Variants in TP63 observed in about 807,000 individuals in gnomAD.
TP63 encodes the protein tumor protein p63, also known as tumor protein 63.
Under a neutral mutation model 82.8 loss-of-function variants are expected in TP63, and 17 were observed. That is an observed-to-expected ratio of 0.21 (90% confidence interval 0.14 to 0.31). TP63 has a LOEUF of 0.31. Ranked by LOEUF, TP63 falls within the 10% of genes least tolerant of loss-of-function variation. TP63 has a pLI of 1.00. For missense variants in TP63, 648 were observed against 895.3 expected (o/e 0.72, Z 3.52); for synonymous variants, 330 against 321.7 (o/e 1.03, Z -0.28).
intron 1 of TP63, among the ~76,000 whole-genome samples, chr3:189,701,327 G>A (rs973161409): frequency 1.3e-5 from 2 of 151,850 alleles, no homozygotes; most frequent in Non-Finnish European, 2.9e-5. Flanking sequence ...TCATTTCTCC[G>A]TATGTCTGAG....
intron 1 of TP63, among the ~76,000 whole-genome samples, chr3:189,682,543 AAAAAAAAAAAATATATATATATATAT>A (rs1183997431): frequency 2.1e-4 from 5 of 23,988 alleles, no homozygotes; most frequent in African/African-American, 7.6e-4. Flanking sequence ...GGGGAAAAAA[AAAAAAAAAAAATATATATATATATAT>A]ATATATATAT....
At chr3:189,862,635 TA>T (rs1166832627) in intron 4 of TP63, among the ~76,000 whole-genome samples, 1 of 152,240 alleles carries the variant, frequency 6.6e-6, no homozygotes, top group African/African-American at 2.4e-5. Flanking sequence ...TTATGCGTTA[TA>T]TACCTCCTAA....
At chr3:189,788,084 GT>G (rs35421829) in intron 3 of TP63, among the ~76,000 whole-genome samples, 2,241 of 145,268 alleles carry the variant, frequency 0.015, 59 homozygotes, top group African/African-American at 0.05. Context: ...TTGTAAGTAG[GT>G]TTTTTTTTTT....
chr3:189,854,687 G>T (rs956882769), intron 4 of TP63, among the ~76,000 whole-genome samples: 1 of 152,224 alleles, frequency 6.6e-6, no homozygotes, highest in Non-Finnish European at 1.5e-5. Context: ...AATGAAAGCT[G>T]CAAACACTAG....
At chr3:189,889,720 G>T (rs866182504) in intron 12 of TP63, among the ~76,000 whole-genome samples, 13 of 152,334 alleles carry the variant, frequency 8.5e-5, no homozygotes, top group South Asian at 8.3e-4. Flanking sequence ...TTGTTTTCAT[G>T]TCTGTTTCCC....
At chr3:189,886,322 C>T (rs1293150156) in intron 10 of TP63, 72 bp from the exon 11 acceptor site, 1 of 1,502,472 alleles carries the variant, frequency 6.7e-7, no homozygotes, top group Non-Finnish European at 9.2e-7. Context: ...TAAACAGAGA[C>T]CTGTTGAAAA....
chr3:189,848,239 T>TCCTCTCTCTC, intron 4 of TP63, among the ~76,000 whole-genome samples: 1 of 96,026 alleles, frequency 1.0e-5, no homozygotes, highest in South Asian at 4.2e-4. Context: ...CTCCTCCTCC[T>TCCTCTCTCTC]TCTCTCTCTC....
chr3:189,602,557 G>A, the TP63 span, among the ~76,000 whole-genome samples: 4 of 152,156 alleles, frequency 2.6e-5, no homozygotes, highest in Admixed American at 2.0e-4. Flanking sequence ...GGAATGAAGT[G>A]GAGCAGATGG....
intron 3 of TP63, among the ~76,000 whole-genome samples, chr3:189,743,649 A>T (rs1353916946): frequency 6.6e-6 from 1 of 152,194 alleles, no homozygotes; most frequent in African/African-American, 2.4e-5. Context: ...GGTTGACTGG[A>T]TTCATCATAG....
chr3:189,684,392 C>G (rs1358577133), intron 1 of TP63, among the ~76,000 whole-genome samples: 1 of 152,042 alleles, frequency 6.6e-6, no homozygotes. Flanking sequence ...AAATAGTGAT[C>G]AACTCCACTT....
chr3:189,721,266 CAGAG>C lies in TP63; in HGVS notation c.63-16469_63-16466del, dbSNP rs570527876. Among the ~76,000 whole-genome samples the C allele has an allele frequency of 5.5e-4, 83 of 152,194 alleles. 1 individual carries two copies. The highest frequency in any genetic ancestry group is 1.9e-3 in the African/African-American group (80 of 41,528). On this transcript the variant is annotated intron_variant, in intron 1 of 13. Transcript: ENST00000264731. ...GAAAGAACTAGGGCTACTTGTGTAACAGAGAGAGGAACAATAGGTTGTGGGCCTT... is the reference window on the plus strand; with the variant it reads ...GAAAGAACTAGGGCTACTTGTGTAACAGAGGAACAATAGGTTGTGGGCCTT...
intron 4 of TP63, among the ~76,000 whole-genome samples, chr3:189,828,263 A>AT (rs1711744959): frequency 6.9e-6 from 1 of 145,198 alleles, no homozygotes; most frequent in African/African-American, 2.7e-5. Flanking sequence ...AAAAAAAAAA[A>AT]GAGAGAGAGA....
At chr3:189,716,903 A>G (rs2108762723) in intron 1 of TP63, among the ~76,000 whole-genome samples, 1 of 151,794 alleles carries the variant, frequency 6.6e-6, no homozygotes, top group South Asian at 2.1e-4. Context: ...GCTTCAAGTG[A>G]TTCTCCTGTC....
intron 4 of TP63, among the ~76,000 whole-genome samples, chr3:189,808,905 G>C (rs1727230565): frequency 6.6e-6 from 1 of 152,146 alleles, no homozygotes. Flanking sequence ...TTCTTGTAAA[G>C]AAGTAAGTGT....
chr3:189,894,142 G>A (rs2108872370), intron 13 of TP63, 64 bp from the exon 14 acceptor site: 6 of 1,588,378 alleles, frequency 3.8e-6, no homozygotes, highest in Non-Finnish European at 5.2e-6. Context: ...ATAGGATGCT[G>A]TGGACTAAAT....
At chr3:189,653,589 A>G (rs576042330) in intron 1 of TP63, among the ~76,000 whole-genome samples, 1 of 152,338 alleles carries the variant, frequency 6.6e-6, no homozygotes, top group African/African-American at 2.4e-5. Context: ...GGTTGTACCA[A>G]AACAAGTGCA....
intron 4 of TP63, among the ~76,000 whole-genome samples, chr3:189,863,712 G>A (rs1362342734): frequency 6.6e-6 from 1 of 150,724 alleles, no homozygotes; most frequent in Non-Finnish European, 1.5e-5. Flanking sequence ...GACGTCAGGC[G>A]AAATCTCTTC....
At chr3:189,619,795 C>T in the TP63 span, among the ~76,000 whole-genome samples, 1 of 152,162 alleles carries the variant, frequency 6.6e-6, no homozygotes, top group African/African-American at 2.4e-5. Context: ...AGATCAACCT[C>T]AGTAAATTGT....
chr3:189,811,970 G>C (rs1262339104), intron 4 of TP63, among the ~76,000 whole-genome samples: 1 of 152,130 alleles, frequency 6.6e-6, no homozygotes, highest in Non-Finnish European at 1.5e-5. Context: ...TTAGGCATTT[G>C]TGCATTTTAG....
Sources: gnomAD v4.1 joint callset for allele counts (sites outside exome capture counted in the v4.1 genomes callset) on GRCh38, gnomAD v4.1.1 for gene constraint, MANE v1.5 for transcripts, NCBI Gene and HGNC (gene_info 2026-07-23, HGNC 2026-07-21) for gene names.